The following AFF3 variants were observed in gnomAD, a reference collection of about 807,000 sequenced individuals.
AFF3 encodes the protein ALF transcription elongation factor 3, also known as AF4/FMR2 family member 3.
AFF3 carries 32 observed loss-of-function variants against 129.7 expected under a neutral mutation model. The ratio of observed to expected loss-of-function variants is 0.25; its 90% CI spans 0.19 to 0.33. The LOEUF (loss-of-function observed/expected upper bound fraction) is 0.33, where lower values mean the gene tolerates loss of function less well. Ranked by LOEUF, AFF3 falls within the 10% of genes least tolerant of loss-of-function variation. The pLI is 1.00. For synonymous variants in AFF3, 644 were observed against 635.4 expected (o/e 1.01, Z -0.20); for missense variants, 1,373 against 1,592.0 (o/e 0.86, Z 2.34).
chr2:99,708,250 A>AT (rs1447496174), intron 11 of AFF3, among the ~76,000 whole-genome samples: 1 of 152,208 alleles, frequency 6.6e-6, no homozygotes, highest in Non-Finnish European at 1.5e-5. Flanking sequence ...TTTAAAAAAA[A>AT]CAAAGGCATC....
intron 2 of AFF3, among the ~76,000 whole-genome samples, chr2:100,109,649 A>C (rs1246695679): frequency 1.3e-5 from 2 of 152,226 alleles, no homozygotes; most frequent in Non-Finnish European, 2.9e-5. Flanking sequence ...GAATCTGTTG[A>C]GAATAGGACA....
intron 8 of AFF3, among the ~76,000 whole-genome samples, chr2:99,816,880 G>C (rs1687279738): frequency 6.6e-6 from 1 of 152,096 alleles, no homozygotes; most frequent in Non-Finnish European, 1.5e-5. Context: ...TCTGGGTACA[G>C]TGAGTTTCCA....
intron 4 of AFF3, among the ~76,000 whole-genome samples, chr2:100,017,213 T>C (rs1173981537): frequency 6.6e-6 from 1 of 152,146 alleles, no homozygotes; most frequent in Non-Finnish European, 1.5e-5. Context: ...TGGATTTTCC[T>C]TATGAGCCAA....
chr2:99,828,118 T>G, intron 8 of AFF3, among the ~76,000 whole-genome samples: 1 of 152,164 alleles, frequency 6.6e-6, no homozygotes, highest in Non-Finnish European at 1.5e-5. Flanking sequence ...ACATACCATG[T>G]ACAAACAGAC....
chr2:100,025,644 A>C (rs1249068183), intron 4 of AFF3, among the ~76,000 whole-genome samples: 1 of 152,206 alleles, frequency 6.6e-6, no homozygotes, highest in African/African-American at 2.4e-5. Context: ...CCTGATTTCA[A>C]ACTATACTAT....
chr2:99,681,433 C>T (rs78916929), intron 11 of AFF3, among the ~76,000 whole-genome samples: 2,679 of 152,308 alleles, frequency 0.018, 75 homozygotes, highest in African/African-American at 0.059. Flanking sequence ...GGATTGGCCA[C>T]AGGCATCAGG....
rs567975238 is a variant in AFF3 at position 99,723,977 on chromosome 2, T to C, written c.1091+3100A>G. ...GCCGGGGATAACTCCTCTCTTTACA[T>C]CTCCCAGAAGCAACCAACCCTGCTG... On this transcript the variant is annotated intron_variant, in intron 11 of 24. Coordinates refer to ENST00000672756, the MANE Select transcript of AFF3 (RefSeq NM_001386135.1). Among the ~76,000 whole-genome samples, 82 of 152,196 alleles carry C rather than the reference T, an allele frequency of 5.4e-4. 1 individual carries two copies. The South Asian group carries it at 0.011, about 20-fold the overall frequency.
chr2:99,810,282 C>T (rs1686686504), intron 8 of AFF3, among the ~76,000 whole-genome samples: 2 of 152,224 alleles, frequency 1.3e-5, no homozygotes, highest in South Asian at 4.1e-4. Context: ...AGCTCAGCAT[C>T]CTCCCGGTTG....
At chr2:100,093,629 T>C (rs1054940787) in intron 4 of AFF3, among the ~76,000 whole-genome samples, 18 of 151,876 alleles carry the variant, frequency 1.2e-4, no homozygotes, top group Non-Finnish European at 1.8e-4. Context: ...AAAGCAGCTA[T>C]GCCATGTTCT....
chr2:100,109,066 C>T (rs940863514), intron 2 of AFF3, among the ~76,000 whole-genome samples: 6 of 150,528 alleles, frequency 4.0e-5, no homozygotes, highest in Non-Finnish European at 7.4e-5. Flanking sequence ...CAGCAGAGCT[C>T]GGCAGGGTCA....
chr2:99,636,258 A>G, intron 13 of AFF3, among the ~76,000 whole-genome samples: 1 of 152,194 alleles, frequency 6.6e-6, no homozygotes, highest in East Asian at 1.9e-4. Context: ...GGCTGGGAAC[A>G]GGGTGAACAG....
intron 12 of AFF3, among the ~76,000 whole-genome samples, chr2:99,653,751 C>T (rs1685486516): frequency 6.6e-6 from 1 of 152,182 alleles, no homozygotes; most frequent in African/African-American, 2.4e-5. Context: ...AGAGACAGGG[C>T]ACCCTACGAG....
chr2:99,845,856 G>A (rs1036737180), intron 7 of AFF3, among the ~76,000 whole-genome samples: 7 of 152,034 alleles, frequency 4.6e-5, no homozygotes, highest in Admixed American at 1.3e-4. Context: ...ATTTTGAGAC[G>A]GAGTCTTGCT....
chr2:100,059,052 AGACCAGCCTGGCCAACATG>A (rs1687025494), intron 4 of AFF3, among the ~76,000 whole-genome samples: 1 of 152,100 alleles, frequency 6.6e-6, no homozygotes, highest in South Asian at 2.1e-4. Context: ...CAGGAGTTCA[AGACCAGCCTGGCCAACATG>A]GTGAAACCCC....
Position 99,839,139 on chromosome 2 carries a change from C to T in AFF3, c.874-1615G>A, listed in dbSNP as rs188363932. On this transcript the variant is annotated intron_variant, in intron 7 of 24. Coordinates refer to ENST00000672756, the MANE Select transcript of AFF3 (RefSeq NM_001386135.1). ...AACTTTTTTTTTTGAGACCGAGTTT[C>T]GCTCTTGTTGCCCAGGCTGGAGTGC... Among the ~76,000 whole-genome samples, 63 of 152,116 alleles carry T rather than the reference C, an allele frequency of 4.1e-4. 1 individual carries two copies. Among genetic ancestry groups the T allele is most frequent in the African/African-American group, 1.4e-3 (58 of 41,478 alleles).
At chr2:100,068,296 G>C (rs1173780337) in intron 4 of AFF3, among the ~76,000 whole-genome samples, 1 of 152,158 alleles carries the variant, frequency 6.6e-6, no homozygotes, top group East Asian at 1.9e-4. Context: ...AAGAAATACA[G>C]AAAACAAAGG....
rs529523928 is a variant in AFF3 at position 100,134,637 on chromosome 2, G to C, written c.-227-5331C>G. 2.0e-5 allele frequency among the ~76,000 whole-genome samples: 3 copies of C among 152,234 alleles called. No homozygotes were observed. In the South Asian group the frequency reaches 6.2e-4, roughly 32 times the overall value. ...ATTTTACAGCTTTATTATCTCACAT[G>C]ACGATCCTTTTAGAATTTATTTTGA... On this transcript the variant is annotated intron_variant, in intron 1 of 24. Transcript: ENST00000672756.
At position 100,006,651 on chromosome 2, in the gene AFF3, C is replaced by A. The variant is rs747635817; in HGVS notation, c.854G>T (p.Ser285Ile). 5 of 1,607,270 alleles carry A rather than the reference C, an allele frequency of 3.1e-6. No homozygotes were observed. The highest frequency in any genetic ancestry group is 2.7e-5 in the African/African-American group (2 of 74,814). The change falls in exon 7 of 25, where the codon AGC becomes ATC. Residue 285 changes from serine (S) to isoleucine (I), a missense_variant. Physicochemically the swap from Ser to Ile is moderately radical, Grantham distance 142. Transcript: ENST00000672756. ...ACTCACCTCCCCCTGCTTGGGGATG[C>A]TGAACTTGGAGAGCTTGGCCTTGGC... ...ARAKAKLSKF[S>I]IPKQGEESRS...
At chr2:99,694,469 C>A (rs1245753537) in intron 11 of AFF3, among the ~76,000 whole-genome samples, 4 of 151,998 alleles carry the variant, frequency 2.6e-5, no homozygotes, top group African/African-American at 4.8e-5. Context: ...ACCCAGGCGC[C>A]AGGGAGAAGC....
Sources: allele counts gnomAD v4.1 joint callset (sites outside exome capture counted in the v4.1 genomes callset), GRCh38; gene constraint gnomAD v4.1.1; transcripts MANE v1.5; gene names NCBI Gene and HGNC (gene_info 2026-07-23, HGNC 2026-07-21).